Variants in MED25 observed in about 807,000 individuals in gnomAD.
MED25 encodes the protein mediator complex subunit 25.
MED25 carries 62 observed loss-of-function variants against 89.4 expected under a neutral mutation model. The ratio of observed to expected loss-of-function variants is 0.69; its 90% CI spans 0.57 to 0.86. The LOEUF (loss-of-function observed/expected upper bound fraction) is 0.86. Among genes scored for constraint, MED25 ranks in the 40% least tolerant of loss-of-function variants. MED25 has a pLI of 0.00. For synonymous variants in MED25, 449 were observed against 427.9 expected, an observed-to-expected ratio of 1.05 and a Z score of -0.61; for missense variants, 905 against 1,005.2, an observed-to-expected ratio of 0.90 and a Z score of 1.35.
chr19:49,829,785 G>A lies in MED25; in HGVS notation c.526-1G>A. On this transcript the variant is annotated splice_acceptor_variant, in intron 5 of 17. Coordinates refer to ENST00000312865, the MANE Select transcript of MED25 (RefSeq NM_030973.4). LOFTEE classifies it high-confidence loss of function. This position sits in a 1 kb window ranked among gnomAD's most constrained non-coding sequence, Gnocchi z 4.6. ...ATGACTGCTCGGCCCCTCTCCTACA[G>A]CGGGGGATCCACTTCTCCATTGTGT... 11 of 1,587,730 alleles carry A rather than the reference G, an allele frequency of 6.9e-6. No homozygotes were observed. Among genetic ancestry groups the A allele is most frequent in the Non-Finnish European group, 9.4e-6 (11 of 1,167,270 alleles).
intron 3 of MED25, 159 bp downstream of exon 3, chr19:49,819,455 G>T (rs115074359): frequency 1.3e-6 from 1 of 755,402 alleles, no homozygotes. Context: ...GTAATGGCTT[G>T]GGGTGGTTGG....
At position 49,824,767 on chromosome 19, in the gene MED25, T is replaced by C. The variant is rs1284644386; in HGVS notation, c.306-3682T>C. Among the ~76,000 whole-genome samples, 4 of 152,292 alleles carry C rather than the reference T, an allele frequency of 2.6e-5. No homozygotes were observed. In the East Asian group the frequency reaches 7.7e-4, roughly 29 times the overall value. ...GAGATAGGCAAGGTCCTGGCCCTCA[T>C]GGAACTAGTTTGCCTGGGTGACAGG... On this transcript the variant is annotated intron_variant, in intron 3 of 17. Coordinates refer to ENST00000312865, the MANE Select transcript of MED25 (RefSeq NM_030973.4).
intron 2 of MED25, 63 bp from the exon 3 acceptor site, chr19:49,819,109 C>A: frequency 1.2e-6 from 2 of 1,602,478 alleles, no homozygotes; most frequent in Non-Finnish European, 1.7e-6. Flanking sequence ...AGCCCTGATT[C>A]CTTCTCTAAG....
At chr19:49,818,900 C>A in intron 2 of MED25, 2 of 555,940 alleles carry the variant, frequency 3.6e-6, no homozygotes, top group Non-Finnish European at 3.1e-6. Context: ...ACTGCTGGGT[C>A]TGAGAAAGGA....
intron 3 of MED25, among the ~76,000 whole-genome samples, chr19:49,826,603 C>T (rs1054728480): frequency 1.3e-5 from 2 of 152,216 alleles, no homozygotes; most frequent in African/African-American, 4.8e-5. Context: ...TAGGGTCAGA[C>T]GCCTTGGTGT....
chr19:49,836,788 G>T lies in MED25; in HGVS notation c.2147-59G>T. ...CTGCCTAGAAAACTTAGTGCCTCTG[G>T]GCCCTCCTGGGCCCAAGGGCCTACT... is the stretch of plus-strand genomic sequence containing the variant. On this transcript the variant is annotated intron_variant, in intron 17 of 17. Transcript: ENST00000312865. This position sits in a 1 kb window ranked among gnomAD's most constrained non-coding sequence, Gnocchi z 5.1. 7.5e-7 allele frequency: 1 copy of T among 1,331,884 alleles called. No homozygotes were observed. Among genetic ancestry groups the T allele is most frequent in the Non-Finnish European group, 1.1e-6 (1 of 934,408 alleles). The allele number at this position is 1,331,884 out of a possible 1,614,324, so 82.5% of individuals were successfully genotyped here.
In MED25 at chr19:49,834,206, G is replaced by A. The variant is rs187071813; in HGVS notation, c.1483-780G>A. The A allele has an allele frequency of 4.6e-5, 7 of 152,322 alleles. No homozygotes were observed. The highest frequency in any genetic ancestry group is 1.0e-4 in the Non-Finnish European group (7 of 68,058). 9.4% of individuals were successfully genotyped at this position (152,322 alleles called of 1,614,324 possible). A position where few individuals can be genotyped will look rare whatever the true frequency, so the allele number is the denominator to read the frequency against. On this transcript the variant is annotated intron_variant, in intron 13 of 17. Coordinates refer to ENST00000312865, the MANE Select transcript of MED25 (RefSeq NM_030973.4). The surrounding 1 kb of genome is among the most constrained non-coding windows in gnomAD (Gnocchi z 4.1). ...GTTGATGGGAGGCTGCTGGGAGCAG[G>A]TATCCGTGACTGTCTGGGGCTGGGA...
At chr19:49,838,057 G>A (rs2074111890), downstream of MED25, among the ~76,000 whole-genome samples, 1 of 152,106 alleles carries the variant, frequency 6.6e-6, no homozygotes, top group South Asian at 2.1e-4. Context: ...TGAGTGAGTT[G>A]TCTGTTGTTG....
Position 49,831,576 on chromosome 19 carries a change from C to G in MED25, c.1230+115C>G. 1 of 1,327,408 alleles carries G rather than the reference C, an allele frequency of 7.5e-7. No individual in the cohort carries two copies. The highest frequency in any genetic ancestry group is 1.0e-6 in the Non-Finnish European group (1 of 972,488). The allele number at this position is 1,327,408 out of a possible 1,614,324, so 82.2% of individuals were successfully genotyped here. ...CTGCAGTGCTGGGTTTGGAGGCATT[C>G]GTTGCGCTGGACCTGTGGGATGCGG... On this transcript the variant is annotated intron_variant, in intron 10 of 17. Coordinates refer to ENST00000312865, the MANE Select transcript of MED25 (RefSeq NM_030973.4). The surrounding 1 kb of genome is among the most constrained non-coding windows in gnomAD (Gnocchi z 5.0).
chr19:49,828,913 G>C, intron 4 of MED25, 57 bp from the exon 5 acceptor site: 7 of 1,610,712 alleles, frequency 4.3e-6, no homozygotes, highest in Non-Finnish European at 5.9e-6. Context: ...CTGGGTCTGG[G>C]TTCCTTCTCA....
chr19:49,822,322 T>C (rs1354959769), intron 3 of MED25, among the ~76,000 whole-genome samples: 2 of 19,950 alleles, frequency 1.0e-4, no homozygotes, highest in Non-Finnish European at 1.5e-4. Context: ...GCATGTGCCT[T>C]GTAATCCTAG....
Position 49,835,986 on chromosome 19 carries a change from G to C in MED25, c.1965+41G>C. 6.2e-7 allele frequency: 1 copy of C among 1,607,784 alleles called. No individual in the cohort carries two copies. On this transcript the variant is annotated intron_variant, in intron 16 of 17. Coordinates refer to ENST00000312865, the MANE Select transcript of MED25 (RefSeq NM_030973.4). The surrounding 1 kb of genome is among the most constrained non-coding windows in gnomAD (Gnocchi z 6.2). ...GGGGTAGCGAGAGTTCCAGATCCTGGCCCTGGTGGTTCTGGTCCTGTTGTC... is the reference window on the plus strand; with the variant it reads ...GGGGTAGCGAGAGTTCCAGATCCTGCCCCTGGTGGTTCTGGTCCTGTTGTC...
chr19:49,828,555 C>CCCCCT lies in MED25; in HGVS notation c.404+11_404+15dup, dbSNP rs2074031099. The CCCCCT allele has an allele frequency of 5.6e-6, 9 of 1,605,670 alleles. No individual in the cohort carries two copies. The highest frequency in any genetic ancestry group is 7.7e-6 in the Non-Finnish European group (9 of 1,172,364). On this transcript the variant is annotated intron_variant, in intron 4 of 17. Transcript: ENST00000312865. ...GAAGATGCGCGAGCAGATGTGAGTGCCCCCTCCACCCAGGCCGGGCCGGTC... is the reference window on the plus strand; with the variant it reads ...GAAGATGCGCGAGCAGATGTGAGTGCCCCCTCCCCTCCACCCAGGCCGGGCCGGTC...
At chr19:49,823,148 C>T (rs2073994600) in intron 3 of MED25, among the ~76,000 whole-genome samples, 1 of 152,110 alleles carries the variant, frequency 6.6e-6, no homozygotes, top group African/African-American at 2.4e-5. Context: ...GAGATGAGGT[C>T]TTGCTGTGTT....
Position 49,835,811 on chromosome 19 carries a change from G to T in MED25, c.1831G>T (p.Ala611Ser). Residue 611 changes from alanine (A) to serine (S), a missense_variant, in exon 16 of 18, where the codon GCC becomes TCC. This residue lies in a region of MED25 where 271 missense variants were observed against 258.1 expected (regional missense o/e 1.05). Coordinates refer to ENST00000312865, the MANE Select transcript of MED25 (RefSeq NM_030973.4). This position sits in a 1 kb window ranked among gnomAD's most constrained non-coding sequence, Gnocchi z 6.2. ...GGGGCAGCCCCAGCCCCAAGGTACTGCCCAGCCCCCGCCAGGTGCCCCTCA... is the reference window on the plus strand; with the variant it reads ...GGGGCAGCCCCAGCCCCAAGGTACTTCCCAGCCCCCGCCAGGTGCCCCTCA... ...ATGQPQPQGT[A>S]QPPPGAPQGP... The T allele has an allele frequency of 1.9e-6, 3 of 1,608,454 alleles. No individual in the cohort carries two copies.
chr19:49,840,083 C>G (rs1183778043), downstream of MED25: 1 of 152,078 alleles, frequency 6.6e-6, no homozygotes, highest in African/African-American at 2.4e-5. Context: ...GAACCTGAAT[C>G]AAATTAAACA....
downstream of MED25, chr19:49,838,969 A>G (rs2122123165): frequency 5.6e-6 from 2 of 356,350 alleles, no homozygotes; most frequent in East Asian, 7.4e-5. Flanking sequence ...CTGCACAGAA[A>G]CACATGACTG....
Position 49,830,260 on chromosome 19 carries a change from C to G in MED25, c.819+42C>G, listed in dbSNP as rs765125220. On this transcript the variant is annotated intron_variant, in intron 7 of 17. Coordinates refer to ENST00000312865, the MANE Select transcript of MED25 (RefSeq NM_030973.4). The surrounding 1 kb of genome is among the most constrained non-coding windows in gnomAD (Gnocchi z 4.6). ...GAAGGGACATGCTTCTGGGGACTTG[C>G]TGGAGCCCTGGCCCCTGGGGAGAAA... 2.5e-6 allele frequency: 4 copies of G among 1,593,428 alleles called. No individual in the cohort carries two copies. Among genetic ancestry groups the G allele is most frequent in the Non-Finnish European group, 3.4e-6 (4 of 1,167,608 alleles).
In MED25 at chr19:49,831,142, G is replaced by A. The variant is rs1482961640; in HGVS notation, c.1102-191G>A. 1.3e-5 allele frequency among the ~76,000 whole-genome samples: 2 copies of A among 152,122 alleles called. No individual in the cohort carries two copies. The highest frequency in any genetic ancestry group is 2.4e-5 in the African/African-American group (1 of 41,414). ...CCTGGGTCTGGGAGTCCAGGGCATC[G>A]CACAGCTTACGAGTCCTCGAATCCT... On this transcript the variant is annotated intron_variant, in intron 9 of 17. Coordinates refer to ENST00000312865, the MANE Select transcript of MED25 (RefSeq NM_030973.4). This position sits in a 1 kb window ranked among gnomAD's most constrained non-coding sequence, Gnocchi z 5.0.
Sources: gnomAD v4.1 joint callset for allele counts (sites outside exome capture counted in the v4.1 genomes callset) on GRCh38, gnomAD v4.1.1 for gene constraint, gnomAD v4.1.1 regional missense constraint, Gnocchi (gnomAD v3.1) non-coding constraint, MANE v1.5 for transcripts, NCBI Gene and HGNC (gene_info 2026-07-23, HGNC 2026-07-21) for gene names.